LHFPL3: variants seen among roughly 807,000 people sequenced by gnomAD.
LHFPL3 encodes the protein LHFPL tetraspan subfamily member 3 protein.
In LHFPL3, 5 loss-of-function variants were observed where a neutral mutation model predicts 19.3. The observed-to-expected ratio is 0.26, with a 90% CI of 0.14 to 0.54. The LOEUF is 0.54. Among genes scored for constraint, LHFPL3 ranks in the 20% least tolerant of loss-of-function variants. The pLI is 0.94. For missense variants in LHFPL3, 249 were observed against 307.4 expected, an observed-to-expected ratio of 0.81 and a Z score of 1.42; for synonymous variants, 133 against 126.2, an observed-to-expected ratio of 1.05 and a Z score of -0.36.
intron 1 of LHFPL3, among the ~76,000 whole-genome samples, chr7:104,438,936 A>C (rs1259526189): frequency 2.0e-5 from 3 of 152,220 alleles, no homozygotes; most frequent in Non-Finnish European, 4.4e-5. Flanking sequence ...GATTAAAAAG[A>C]ATAATAAATA....
At chr7:104,802,508 AAAAAAAAG>A in intron 2 of LHFPL3, among the ~76,000 whole-genome samples, 1 of 144,262 alleles carries the variant, frequency 6.9e-6, no homozygotes, top group East Asian at 2.2e-4. Flanking sequence ...AAAAAAAAAA[AAAAAAAAG>A]AGAGAGAGAG....
chr7:104,814,994 C>T (rs548235392), intron 2 of LHFPL3, among the ~76,000 whole-genome samples: 4 of 152,164 alleles, frequency 2.6e-5, no homozygotes, highest in Non-Finnish European at 5.9e-5. Flanking sequence ...GCTGCAGCTG[C>T]GCCTGGGCTC....
At chr7:104,465,677 A>G (rs2115591907) in intron 1 of LHFPL3, among the ~76,000 whole-genome samples, 1 of 152,342 alleles carries the variant, frequency 6.6e-6, no homozygotes, top group East Asian at 1.9e-4. Flanking sequence ...ACTCACTATC[A>G]TGAGAACAGC....
intron 2 of LHFPL3, among the ~76,000 whole-genome samples, chr7:104,749,498 T>C (rs968508165): frequency 1.3e-5 from 2 of 152,276 alleles, no homozygotes; most frequent in Admixed American, 6.5e-5. Flanking sequence ...GGCAAATTTT[T>C]CGCAATCCTG....
chr7:104,592,670 G>A (rs1253927178), intron 1 of LHFPL3, among the ~76,000 whole-genome samples: 3 of 152,170 alleles, frequency 2.0e-5, no homozygotes, highest in African/African-American at 7.2e-5. Context: ...AGTTTCTGCT[G>A]CCTTTTGTTC....
chr7:104,833,067 T>TATATTATATATATATATTATATATAATAG (rs1584563813), intron 2 of LHFPL3, among the ~76,000 whole-genome samples: 2 of 9,126 alleles, frequency 2.2e-4, no homozygotes, highest in African/African-American at 3.7e-4. Context: ...ATATATAATA[T>TATATTATATATATATATTATATATAATAG]ATATATTATA....
At chr7:104,470,156 T>C (rs1792879423) in intron 1 of LHFPL3, 1 of 444,624 alleles carries the variant, frequency 2.2e-6, no homozygotes, top group South Asian at 1.6e-5. Context: ...GGGATTCTTT[T>C]CCCCCTGTTC....
chr7:104,812,450 T>C (rs1279257514), intron 2 of LHFPL3, among the ~76,000 whole-genome samples: 3 of 151,652 alleles, frequency 2.0e-5, no homozygotes, highest in African/African-American at 7.3e-5. Flanking sequence ...CATAAAAGAA[T>C]CTCTACACCA....
At chr7:104,776,618 T>A (rs1022477012) in intron 2 of LHFPL3, among the ~76,000 whole-genome samples, 13 of 152,290 alleles carry the variant, frequency 8.5e-5, no homozygotes, top group African/African-American at 3.1e-4. Context: ...CGGATGTGAA[T>A]CTGCTGGTCC....
intron 1 of LHFPL3, among the ~76,000 whole-genome samples, chr7:104,717,034 C>T (rs1321108233): frequency 6.6e-6 from 1 of 152,096 alleles, no homozygotes; most frequent in Admixed American, 6.6e-5. Context: ...GTATGGTCAA[C>T]TAATCTTCTA....
chr7:104,534,351 T>A (rs958774160), intron 1 of LHFPL3, among the ~76,000 whole-genome samples: 6 of 152,218 alleles, frequency 3.9e-5, no homozygotes, highest in Admixed American at 2.0e-4. Context: ...CTGGGGTAAC[T>A]CTGATGTGCA....
At position 104,614,684 on chromosome 7, in the gene LHFPL3, T is replaced by TTCC. The variant is rs1562950473; in HGVS notation, c.446-121990_446-121989insCCT. Among the ~76,000 whole-genome samples, 209 of 41,826 alleles carry TTCC rather than the reference T, an allele frequency of 5.0e-3. 6 individuals carry two copies. Among genetic ancestry groups the TTCC allele is most frequent in the Middle Eastern group, 0.017 (2 of 116 alleles). The allele number at this position is 41,826 out of a possible 152,430, so 27.4% of individuals were successfully genotyped here. On this transcript the variant is annotated intron_variant, in intron 1 of 2. Coordinates refer to ENST00000424859, the MANE Select transcript of LHFPL3 (RefSeq NM_199000.3). The stretch of plus-strand genomic sequence containing the variant: ...CCTTCCTTCCTTCCTTCCTTCCTTC[T>TTCC]TTCTTTCTTTCTTTCTTTCTTTCTT...
intron 1 of LHFPL3, among the ~76,000 whole-genome samples, chr7:104,482,957 T>A (rs1357723223): frequency 1.3e-5 from 2 of 152,192 alleles, no homozygotes; most frequent in African/African-American, 4.8e-5. Flanking sequence ...TTGACGTACG[T>A]GGGATTTCAG....
At chr7:104,429,546 C>T (rs1791914687) in intron 1 of LHFPL3, among the ~76,000 whole-genome samples, 1 of 151,294 alleles carries the variant, frequency 6.6e-6, no homozygotes, top group Non-Finnish European at 1.5e-5. Context: ...AAACTGCTGA[C>T]ATCAGATGAT....
chr7:104,829,055 T>C (rs1002520879), intron 2 of LHFPL3, among the ~76,000 whole-genome samples: 4 of 151,392 alleles, frequency 2.6e-5, no homozygotes, highest in Non-Finnish European at 4.4e-5. Context: ...CCCCAAAACA[T>C]ACTGACTCCC....
chr7:104,430,386 A>ATGTATATATATATATATATATATG (rs1200869852), intron 1 of LHFPL3, among the ~76,000 whole-genome samples: 1 of 41,944 alleles, frequency 2.4e-5, no homozygotes, highest in Non-Finnish European at 3.9e-5. Context: ...ATATATACAT[A>ATGTATATATATATATATATATATG]TATATATATA....
intron 2 of LHFPL3, chr7:104,738,697 C>T (rs940162033): frequency 1.3e-5 from 2 of 152,130 alleles, no homozygotes; most frequent in African/African-American, 4.8e-5. Flanking sequence ...CAGAAAAGAA[C>T]AGCTTAGAGG....
chr7:104,601,687 C>G (rs958819716), intron 1 of LHFPL3, among the ~76,000 whole-genome samples: 10 of 152,142 alleles, frequency 6.6e-5, no homozygotes, highest in African/African-American at 2.4e-4. Flanking sequence ...ACTGCTCTCC[C>G]TCATACAAAG....
chr7:104,694,869 CT>C (rs1436898705), intron 1 of LHFPL3, among the ~76,000 whole-genome samples: 1 of 152,210 alleles, frequency 6.6e-6, no homozygotes, highest in African/African-American at 2.4e-5. Flanking sequence ...TAGAATGATA[CT>C]TATGCTGAAG....
Sources: gnomAD v4.1 joint callset for allele counts (sites outside exome capture counted in the v4.1 genomes callset) on GRCh38, gnomAD v4.1.1 for gene constraint, MANE v1.5 for transcripts, NCBI Gene and HGNC (gene_info 2026-07-23, HGNC 2026-07-21) for gene names.